The following NKAIN3 variants were observed in gnomAD, a reference collection of about 807,000 sequenced individuals.
NKAIN3 encodes sodium/potassium transporting ATPase interacting 3, also known as sodium/potassium-transporting ATPase subunit beta-1-interacting protein 3.
Under a neutral mutation model 30.2 loss-of-function variants are expected in NKAIN3, and 25 were observed. That is an observed-to-expected ratio of 0.83 (90% CI 0.60 to 1.16). NKAIN3 has a LOEUF of 1.16. Ranked by LOEUF, NKAIN3 falls within the 50% of genes most tolerant of loss-of-function variation. The pLI, the probability that NKAIN3 is intolerant of heterozygous loss-of-function variation, is 0.00. For missense variants in NKAIN3, 225 were observed against 254.1 expected, an observed-to-expected ratio of 0.89 and a Z score of 0.78; for synonymous variants, 91 against 89.6, an observed-to-expected ratio of 1.02 and a Z score of -0.09.
intron 3 of NKAIN3, among the ~76,000 whole-genome samples, chr8:62,665,115 G>T (rs904365960): frequency 6.6e-6 from 1 of 152,150 alleles, no homozygotes; most frequent in African/African-American, 2.4e-5. Flanking sequence ...AACTGAGTCA[G>T]AATCTCCATT....
chr8:62,447,444 T>C (rs1805520180), intron 1 of NKAIN3, among the ~76,000 whole-genome samples: 1 of 152,028 alleles, frequency 6.6e-6, no homozygotes, highest in Non-Finnish European at 1.5e-5. Flanking sequence ...TTTAAAGAAA[T>C]GATAATTATT....
chr8:62,922,379 T>G (rs1822306457), intron 5 of NKAIN3, among the ~76,000 whole-genome samples: 1 of 152,112 alleles, frequency 6.6e-6, no homozygotes, highest in Admixed American at 6.6e-5. Flanking sequence ...ACCTAAGAAT[T>G]TATGAAAGAA....
intron 1 of NKAIN3, among the ~76,000 whole-genome samples, chr8:62,330,650 C>G (rs1024516492): frequency 2.0e-5 from 3 of 151,980 alleles, no homozygotes; most frequent in African/African-American, 4.8e-5. Context: ...CCTCCCTTTC[C>G]CTTGTAACTG....
chr8:62,271,524 G>A (rs1812777761), intron 1 of NKAIN3, among the ~76,000 whole-genome samples: 1 of 152,108 alleles, frequency 6.6e-6, no homozygotes, highest in Non-Finnish European at 1.5e-5. Context: ...CAATTGTACT[G>A]TATCCCAACC....
intron 4 of NKAIN3, among the ~76,000 whole-genome samples, chr8:62,870,252 A>C (rs1048523010): frequency 2.9e-5 from 3 of 103,278 alleles, no homozygotes; most frequent in African/African-American, 9.9e-5. Context: ...ATAGATATCT[A>C]TATATATATC....
chr8:62,864,862 A>G (rs1820371107), intron 4 of NKAIN3, among the ~76,000 whole-genome samples: 2 of 152,154 alleles, frequency 1.3e-5, no homozygotes, highest in Non-Finnish European at 2.9e-5. Flanking sequence ...CATCCAGATG[A>G]GTCAATACCG....
intron 3 of NKAIN3, among the ~76,000 whole-genome samples, chr8:62,650,816 T>C (rs1396974107): frequency 6.6e-6 from 1 of 152,168 alleles, no homozygotes; most frequent in African/African-American, 2.4e-5. Context: ...TAAAGGTCAG[T>C]CCTGGTGCCA....
intron 4 of NKAIN3, among the ~76,000 whole-genome samples, chr8:62,802,154 G>A (rs1818089098): frequency 6.6e-6 from 1 of 152,236 alleles, no homozygotes. Flanking sequence ...TGGTGTACCT[G>A]AAAGTGACAG....
intron 3 of NKAIN3, among the ~76,000 whole-genome samples, chr8:62,655,013 C>G (rs1019701702): frequency 5.9e-5 from 9 of 152,280 alleles, no homozygotes; most frequent in African/African-American, 2.2e-4. Flanking sequence ...CATAGTCACT[C>G]TTTCTGTCAA....
intron 1 of NKAIN3, among the ~76,000 whole-genome samples, chr8:62,327,731 G>A (rs922510094): frequency 6.6e-6 from 1 of 152,122 alleles, no homozygotes; most frequent in African/African-American, 2.4e-5. Context: ...ACATCCTCTA[G>A]CTTTGTTCTT....
intron 4 of NKAIN3, among the ~76,000 whole-genome samples, chr8:62,815,661 C>T (rs915331773): frequency 6.6e-6 from 1 of 152,102 alleles, no homozygotes; most frequent in Non-Finnish European, 1.5e-5. Context: ...CCTTTGACAA[C>T]ATTCAAAAAC....
chr8:62,400,985 A>G (rs1031020820), intron 1 of NKAIN3, among the ~76,000 whole-genome samples: 2 of 140,898 alleles, frequency 1.4e-5, no homozygotes, highest in African/African-American at 5.0e-5. Flanking sequence ...ATTCTCTGTT[A>G]TTATTCTTTT....
intron 4 of NKAIN3, among the ~76,000 whole-genome samples, chr8:62,893,212 G>T (rs542018850): frequency 1.3e-5 from 2 of 152,164 alleles, no homozygotes; most frequent in Admixed American, 1.3e-4. Flanking sequence ...CTGGGTCAAG[G>T]CTCCTCCATG....
At chr8:62,767,338 A>C (rs761817886) in intron 4 of NKAIN3, among the ~76,000 whole-genome samples, 13 of 151,976 alleles carry the variant, frequency 8.6e-5, no homozygotes, top group Non-Finnish European at 1.9e-4. Context: ...ATAAATTCTC[A>C]CCTCCCCTCC....
rs1429751146 is a variant in NKAIN3 at position 62,901,465 on chromosome 8, G to C, written c.472-16988G>C. On this transcript the variant is annotated intron_variant, in intron 4 of 6. Transcript: ENST00000623646. Reference sequence around the variant, plus strand: ...TAAGAAAAAAGAAGAGAGAGAGAGTGAGAAAGCTGATACTGTGGCCAGTTT... The same window carrying C: ...TAAGAAAAAAGAAGAGAGAGAGAGTCAGAAAGCTGATACTGTGGCCAGTTT... Among the ~76,000 whole-genome samples, 3 of 152,260 alleles carry C rather than the reference G, an allele frequency of 2.0e-5. No homozygotes were observed. In the South Asian group the frequency reaches 6.2e-4, roughly 32 times the overall value.
At chr8:62,728,907 G>A (rs1486577051) in intron 3 of NKAIN3, among the ~76,000 whole-genome samples, 2 of 149,216 alleles carry the variant, frequency 1.3e-5, no homozygotes, top group Non-Finnish European at 3.0e-5. Flanking sequence ...GGAGAATGGC[G>A]TGAACCCGGA....
intron 3 of NKAIN3, among the ~76,000 whole-genome samples, chr8:62,594,141 A>C (rs1408614557): frequency 6.6e-6 from 1 of 151,986 alleles, no homozygotes; most frequent in Non-Finnish European, 1.5e-5. Context: ...ACTTCAAAAA[A>C]AAGGTCAGGG....
intron 1 of NKAIN3, among the ~76,000 whole-genome samples, chr8:62,416,446 A>G (rs1324773726): frequency 6.6e-6 from 1 of 152,158 alleles, no homozygotes; most frequent in Non-Finnish European, 1.5e-5. Context: ...CATTTGTTAG[A>G]ATGATCTTAA....
At chr8:62,463,485 T>C (rs1226681164) in intron 1 of NKAIN3, among the ~76,000 whole-genome samples, 1 of 152,196 alleles carries the variant, frequency 6.6e-6, no homozygotes, top group Non-Finnish European at 1.5e-5. Context: ...AAATTTGTTA[T>C]CAAAACTCAT....
Sources: gnomAD v4.1 joint callset for allele counts (sites outside exome capture counted in the v4.1 genomes callset) on GRCh38, gnomAD v4.1.1 for gene constraint, MANE v1.5 for transcripts, NCBI Gene and HGNC (gene_info 2026-07-23, HGNC 2026-07-21) for gene names.